The following CCDC102A variants were observed in gnomAD, a reference collection of about 807,000 sequenced individuals.
CCDC102A encodes coiled-coil domain containing 102A.
In CCDC102A, 40 loss-of-function variants were observed where a neutral mutation model predicts 55.5. The observed-to-expected ratio is 0.72, with a 90% confidence interval of 0.56 to 0.94. CCDC102A has a LOEUF of 0.94. Among genes scored for constraint, CCDC102A ranks in the 40% least tolerant of loss-of-function variants. The pLI is 0.00. For missense variants in CCDC102A, 779 were observed against 768.6 expected (o/e 1.01, Z -0.16); for synonymous variants, 323 against 339.0 (o/e 0.95, Z 0.52).
rs144015279 is a variant in CCDC102A at position 57,514,146 on chromosome 16, A to C, written c.1523+1195T>G. On this transcript the variant is annotated intron_variant, in intron 8 of 8. Coordinates refer to ENST00000258214, the MANE Select transcript of CCDC102A (RefSeq NM_033212.4). The stretch of plus-strand genomic sequence containing the variant: ...CCGCAGCGGTAGTAGTAACAGTAGT[A>C]ATAGCAGCAGCTGCTGACAATCACT... Among the ~76,000 whole-genome samples, 388 of 152,348 alleles carry C rather than the reference A, an allele frequency of 2.5e-3. 4 individuals carry two copies. The highest frequency in any genetic ancestry group is 4.3e-3 in the South Asian group (21 of 4,830).
At chr16:57,526,214 G>T in intron 2 of CCDC102A, 87 bp from the exon 3 acceptor site, 1 of 919,598 alleles carries the variant, frequency 1.1e-6, no homozygotes, top group Non-Finnish European at 1.6e-6. Context: ...CCTTGGGCAA[G>T]TCACACAGTG....
intron 1 of CCDC102A, among the ~76,000 whole-genome samples, chr16:57,531,205 T>G (rs1182944856): frequency 6.6e-6 from 1 of 151,956 alleles, no homozygotes; most frequent in Non-Finnish European, 1.5e-5. Flanking sequence ...TCATCTTGGT[T>G]AAAATAGAAC....
chr16:57,532,887 G>A (rs2032295425), intron 1 of CCDC102A, among the ~76,000 whole-genome samples: 1 of 152,206 alleles, frequency 6.6e-6, no homozygotes, highest in Non-Finnish European at 1.5e-5. Context: ...GCTGGGTATG[G>A]GGGCCCGGGC....
chr16:57,528,594 T>A lies in CCDC102A; in HGVS notation c.584A>T (p.Gln195Leu), dbSNP rs1197179131. The A allele has an allele frequency of 1.6e-6, 2 of 1,257,176 alleles. No homozygotes were observed. The highest frequency in any genetic ancestry group is 2.0e-6 in the Non-Finnish European group (2 of 993,770). The allele number at this position is 1,257,176 out of a possible 1,614,324, so 77.9% of individuals were successfully genotyped here. A position where few individuals can be genotyped will look rare whatever the true frequency, so the allele number is the denominator to read the frequency against. The change falls in exon 2 of 9, where the codon CAG (glutamine) becomes CTG (leucine). Residue 195 changes from glutamine to leucine, a missense_variant and splice_region_variant. Transcript: ENST00000258214. ...DVGSERPPGS[Q>L]ELELVESLLK... ...GAACGCCCCGCCCGCGCCGCGCACC[T>A]GGCTGCCTGGCGGCCTCTCGGACCC...
intron 1 of CCDC102A, among the ~76,000 whole-genome samples, chr16:57,531,314 T>C (rs1194688482): frequency 6.6e-6 from 1 of 151,656 alleles, no homozygotes; most frequent in African/African-American, 2.4e-5. Context: ...CCTCACTCCT[T>C]CCAGCTTTGA....
intron 2 of CCDC102A, 60 bp downstream of exon 2, chr16:57,528,533 G>T: frequency 9.1e-7 from 1 of 1,101,526 alleles, no homozygotes; most frequent in Non-Finnish European, 1.1e-6. Context: ...CAGCAGCTCA[G>T]GACAATCGGC....
intron 4 of CCDC102A, among the ~76,000 whole-genome samples, chr16:57,520,200 C>T (rs983337016): frequency 1.3e-5 from 2 of 152,230 alleles, no homozygotes; most frequent in African/African-American, 4.8e-5. Context: ...TCGCCTCTCA[C>T]TTCCTGCTCT....
chr16:57,520,601 A>C (rs144057029), intron 4 of CCDC102A, among the ~76,000 whole-genome samples: 1 of 118,674 alleles, frequency 8.4e-6, no homozygotes, highest in African/African-American at 3.7e-5. Flanking sequence ...CATAAATAAA[A>C]TAAAATAAAT....
Position 57,529,492 on chromosome 16 carries a change from C to T in CCDC102A, c.-147-168G>A, listed in dbSNP as rs2032213533. ...TGGTGGAGCAAGGGCCCGCAAAGGCCTCCTCAGTGGCCTCGACTCCCTGCT... is the reference window on the plus strand; with the variant it reads ...TGGTGGAGCAAGGGCCCGCAAAGGCTTCCTCAGTGGCCTCGACTCCCTGCT... On this transcript the variant is annotated intron_variant, in intron 1 of 8. Coordinates refer to ENST00000258214, the MANE Select transcript of CCDC102A (RefSeq NM_033212.4). This position sits in a 1 kb window ranked among gnomAD's most constrained non-coding sequence, Gnocchi z 4.1. Among the ~76,000 whole-genome samples, 1 of 152,188 alleles carries T rather than the reference C, an allele frequency of 6.6e-6. No individual in the cohort carries two copies. Among genetic ancestry groups the T allele is most frequent in the African/African-American group, 2.4e-5 (1 of 41,456 alleles).
At chr16:57,534,961 G>T (rs1207273815) in intron 1 of CCDC102A, among the ~76,000 whole-genome samples, 1 of 152,202 alleles carries the variant, frequency 6.6e-6, no homozygotes, top group South Asian at 2.1e-4. Context: ...CAATGCCAAG[G>T]CCTGGACAGG....
At chr16:57,518,572 G>A (rs2146701188) in intron 5 of CCDC102A, 53 bp downstream of exon 5, 1 of 1,410,546 alleles carries the variant, frequency 7.1e-7, no homozygotes, top group East Asian at 2.3e-5. Flanking sequence ...TGATGGAGCA[G>A]GGCCCCAGGA....
intron 6 of CCDC102A, among the ~76,000 whole-genome samples, chr16:57,517,123 C>T (rs1192587900): frequency 6.6e-6 from 1 of 152,108 alleles, no homozygotes; most frequent in Non-Finnish European, 1.5e-5. Context: ...CCTGCTCACA[C>T]TCCCCTCCTG....
At chr16:57,536,337 G>A (rs1202800194) in intron 1 of CCDC102A, among the ~76,000 whole-genome samples, 163 bp downstream of exon 1, 2 of 152,162 alleles carry the variant, frequency 1.3e-5, no homozygotes, top group African/African-American at 4.8e-5. Flanking sequence ...CGTCTAGAAA[G>A]TTCTGCTCTG....
At chr16:57,518,949 C>T (rs901848612) in intron 4 of CCDC102A, among the ~76,000 whole-genome samples, 27 of 152,230 alleles carry the variant, frequency 1.8e-4, no homozygotes, top group Admixed American at 1.6e-3. Flanking sequence ...TCTAGCCTCC[C>T]AGTGTCTACT....
At chr16:57,517,918 C>A in intron 6 of CCDC102A, 150 bp downstream of exon 6, 1 of 904,318 alleles carries the variant, frequency 1.1e-6, no homozygotes. Context: ...AATGCGGCTA[C>A]TATAATTACC....
At chr16:57,517,559 G>A (rs1391501960) in intron 6 of CCDC102A, among the ~76,000 whole-genome samples, 2 of 152,130 alleles carry the variant, frequency 1.3e-5, no homozygotes, top group African/African-American at 2.4e-5. Flanking sequence ...AGCCAGGCTG[G>A]TCCCAAAATG....
Position 57,516,227 on chromosome 16 carries a change from G to T in CCDC102A, c.1419+66C>A, listed in dbSNP as rs189070459. The T allele has an allele frequency of 5.2e-4, 782 of 1,513,828 alleles. 1 individual carries two copies. Among genetic ancestry groups the T allele is most frequent in the Non-Finnish European group, 6.4e-4 (712 of 1,112,492 alleles). 93.8% of individuals were successfully genotyped at this position (1,513,828 alleles called of 1,614,324 possible). A position where few individuals can be genotyped will look rare whatever the true frequency, so the allele number is the denominator to read the frequency against. On this transcript the variant is annotated intron_variant, in intron 7 of 8. Coordinates refer to ENST00000258214, the MANE Select transcript of CCDC102A (RefSeq NM_033212.4). This position sits in a 1 kb window ranked among gnomAD's most constrained non-coding sequence, Gnocchi z 4.4. ...GGCTGAGAATGGAGAAGCCAGGATG[G>T]CCCTGCGGCCCCCACTCCTCCCTGG... is the stretch of plus-strand genomic sequence containing the variant.
At chr16:57,521,665 C>T (rs955465021) in intron 3 of CCDC102A, among the ~76,000 whole-genome samples, 66 of 152,298 alleles carry the variant, frequency 4.3e-4, no homozygotes, top group African/African-American at 1.5e-3. Flanking sequence ...TCCAGTGACC[C>T]GAAGAGAGGG....
intron 1 of CCDC102A, among the ~76,000 whole-genome samples, chr16:57,531,545 G>A (rs1277422099): frequency 6.6e-6 from 1 of 152,112 alleles, no homozygotes; most frequent in Non-Finnish European, 1.5e-5. Flanking sequence ...GCAACAGCCA[G>A]AGTGAGTTCT....
Sources: gnomAD v4.1 joint callset for allele counts (sites outside exome capture counted in the v4.1 genomes callset) on GRCh38, gnomAD v4.1.1 for gene constraint, Gnocchi (gnomAD v3.1) non-coding constraint, MANE v1.5 for transcripts, NCBI Gene and HGNC (gene_info 2026-07-23, HGNC 2026-07-21) for gene names.